SRC: variants seen among roughly 807,000 people sequenced by gnomAD.
SRC encodes proto-oncogene tyrosine-protein kinase Src.
Under a neutral mutation model 62.9 loss-of-function variants are expected in SRC, and 13 were observed. That is an observed-to-expected ratio of 0.21 (90% CI 0.13 to 0.33). SRC has a LOEUF of 0.33. SRC is among the 10% of genes least tolerant of loss of function. The probability of loss-of-function intolerance (pLI) is 1.00; values close to 1 mark genes in which losing one functional copy is unlikely to be tolerated. For synonymous variants in SRC, 302 were observed against 317.5 expected, an observed-to-expected ratio of 0.95 and a Z score of 0.52; for missense variants, 457 against 737.3, an observed-to-expected ratio of 0.62 and a Z score of 4.40.
rs761602417 is a variant in SRC at position 37,400,311 on chromosome 20, C to T, written c.1039+17C>T. The T allele has an allele frequency of 1.2e-5, 19 of 1,595,754 alleles. 1 individual carries two copies. In the African/African-American group the frequency reaches 1.3e-4, roughly 11 times the overall value. On this transcript the variant is annotated intron_variant, in intron 10 of 13. Transcript: ENST00000373578. ...TGAGCAAGGGTGAGTCCTGGGCGGC[C>T]GGGGCAGGGGGCAGGGGCACTCCGG...
intron 2 of SRC, among the ~76,000 whole-genome samples, chr20:37,368,525 T>TG (rs1568625180): frequency 8.4e-5 from 10 of 119,040 alleles, no homozygotes; most frequent in African/African-American, 4.5e-4. Context: ...TTTCTTTTTT[T>TG]TTTTTTTTTT....
At position 37,403,626 on chromosome 20, in the gene SRC, T is replaced by A. The variant is rs2070778616; in HGVS notation, c.*247T>A. 3.7e-6 allele frequency: 2 copies of A among 545,150 alleles called. No homozygotes were observed. Among genetic ancestry groups the A allele is most frequent in the East Asian group, 6.0e-5 (2 of 33,536 alleles). The allele number at this position is 545,150 out of a possible 1,614,324, so 33.8% of individuals were successfully genotyped here. ...AGCTCCCGCTGTGGCCGCACGCCTC[T>A]CCCTGCACTCCCTCCTGGAGCTCTG... On this transcript the variant is annotated 3_prime_UTR_variant, in exon 14 of 14. Transcript: ENST00000373578. The surrounding 1 kb of genome is among the most constrained non-coding windows in gnomAD (Gnocchi z 7.1).
At chr20:37,381,301 TTTC>T (rs2070363042) in intron 2 of SRC, among the ~76,000 whole-genome samples, 1 of 152,138 alleles carries the variant, frequency 6.6e-6, no homozygotes, top group Non-Finnish European at 1.5e-5. Flanking sequence ...GGTTGTGTCT[TTTC>T]TTCTTGTCCC....
intron 2 of SRC, among the ~76,000 whole-genome samples, chr20:37,378,520 A>G (rs116830838): frequency 0.022 from 3,328 of 152,136 alleles, 113 homozygotes; most frequent in African/African-American, 0.076. Context: ...ATATGCCCAG[A>G]GGAGATTCTA....
At position 37,364,415 on chromosome 20, in the gene SRC, G is replaced by A. The variant is rs377671343; in HGVS notation, c.-246-789G>A. 7.9e-5 allele frequency among the ~76,000 whole-genome samples: 12 copies of A among 152,312 alleles called. No individual in the cohort carries two copies. In the East Asian group the frequency reaches 1.7e-3, roughly 22 times the overall value. ...GCACCGTGATGGTGACGCCGTAGCT[G>A]TTGTTATCCTCTGAGGACCAACTGT... is the stretch of plus-strand genomic sequence containing the variant. On this transcript the variant is annotated intron_variant, in intron 1 of 13. Coordinates refer to ENST00000373578, the MANE Select transcript of SRC (RefSeq NM_198291.3).
chr20:37,353,504 T>A (rs1362201975), intron 1 of SRC, among the ~76,000 whole-genome samples: 1 of 152,138 alleles, frequency 6.6e-6, no homozygotes, highest in African/African-American at 2.4e-5. Context: ...CCCGGGACCC[T>A]GAAGGAGCAA....
intron 5 of SRC, chr20:37,386,614 TC>T (rs1293280094): frequency 6.1e-6 from 4 of 660,458 alleles, no homozygotes; most frequent in South Asian, 1.7e-5. Flanking sequence ...GCTTCTCCCC[TC>T]CCCCCTCCAC....
At chr20:37,350,321 A>G (rs2069783691) in intron 1 of SRC, among the ~76,000 whole-genome samples, 1 of 152,148 alleles carries the variant, frequency 6.6e-6, no homozygotes, top group African/African-American at 2.4e-5. Context: ...TAGGGACTCA[A>G]TCAGTGGAGG....
At chr20:37,379,634 G>A (rs2070331004) in intron 2 of SRC, among the ~76,000 whole-genome samples, 1 of 151,824 alleles carries the variant, frequency 6.6e-6, no homozygotes, top group Non-Finnish European at 1.5e-5. Flanking sequence ...TGAGGCAGTA[G>A]AATTGCTTGA....
chr20:37,347,125 G>A (rs1227319838), intron 1 of SRC, among the ~76,000 whole-genome samples: 4 of 152,256 alleles, frequency 2.6e-5, no homozygotes, highest in Non-Finnish European at 2.9e-5. Flanking sequence ...CAGCCCCTGC[G>A]TCCTTCAGGT....
rs200522390 is a variant in SRC at position 37,370,992 on chromosome 20, T to TC, written c.-173+5715_-173+5716insC. Among the ~76,000 whole-genome samples the TC allele has an allele frequency of 2.3e-3, 341 of 146,540 alleles. 1 individual carries two copies. Among genetic ancestry groups the TC allele is most frequent in the African/African-American group, 8.1e-3 (323 of 40,088 alleles). On this transcript the variant is annotated intron_variant, in intron 2 of 13. Coordinates refer to ENST00000373578, the MANE Select transcript of SRC (RefSeq NM_198291.3). ...TTCTTCTTCTTCTTCTTCTTCTTCT[T>TC]TTTTTTTTTTTTTGAGACGGAGTTT... is the stretch of plus-strand genomic sequence containing the variant.
At chr20:37,381,230 A>T (rs1391582450) in intron 2 of SRC, among the ~76,000 whole-genome samples, 1 of 152,038 alleles carries the variant, frequency 6.6e-6, no homozygotes, top group East Asian at 1.9e-4. Context: ...GGTCCCTGTT[A>T]TGCTTTTTCT....
At position 37,398,004 on chromosome 20, in the gene SRC, C is replaced by T. The variant is rs765650641; in HGVS notation, c.859+150C>T. On this transcript the variant is annotated intron_variant, in intron 9 of 13. Coordinates refer to ENST00000373578, the MANE Select transcript of SRC (RefSeq NM_198291.3). This position sits in a 1 kb window ranked among gnomAD's most constrained non-coding sequence, Gnocchi z 5.2. ...GGAGCTCCCCAGCGGTGGCTGGCAC[C>T]GAGTTGGGTTGTGGCCACCCAAGCA... is the stretch of plus-strand genomic sequence containing the variant. 107 of 1,086,428 alleles carry T rather than the reference C, an allele frequency of 9.8e-5. No homozygotes were observed. The highest frequency in any genetic ancestry group is 1.6e-4 in the Admixed American group (6 of 36,580). 67.3% of individuals were successfully genotyped at this position (1,086,428 alleles called of 1,614,324 possible).
chr20:37,367,002 G>T lies in SRC; in HGVS notation c.-173+1725G>T, dbSNP rs116649848. Among the ~76,000 whole-genome samples, 6 of 152,080 alleles carry T rather than the reference G, an allele frequency of 3.9e-5. No individual in the cohort carries two copies. The East Asian group carries it at 1.2e-3, about 29-fold the overall frequency. On this transcript the variant is annotated intron_variant, in intron 2 of 13. Coordinates refer to ENST00000373578, the MANE Select transcript of SRC (RefSeq NM_198291.3). ...ACATTCCCATCAGCAATGTCTGAGG[G>T]TTCCAATTTCTCCACATTCTTGCCA...
chr20:37,382,437 AGAGGGTTGAAAAGACTTTGG>A (rs1281994650), intron 2 of SRC, among the ~76,000 whole-genome samples, 162 bp from the exon 3 acceptor site: 1 of 152,134 alleles, frequency 6.6e-6, no homozygotes, highest in Non-Finnish European at 1.5e-5. Context: ...TCTTGCTTTG[AGAGGGTTGAAAAGACTTTGG>A]GAGGGTTGAA....
Position 37,403,242 on chromosome 20 carries a change from G to T in SRC, c.1474G>T (p.Glu492Ter). Residue 492 changes from glutamate (E) to a stop codon, truncating the protein, a stop_gained, in exon 14 of 14, where the codon GAG becomes TAG. Transcript: ENST00000373578. LOFTEE classifies it high-confidence loss of function. The surrounding 1 kb of genome is among the most constrained non-coding windows in gnomAD (Gnocchi z 7.1). ...GATGCCCTGCCCGCCGGAGTGTCCC[G>T]AGTCCCTGCACGACCTCATGTGCCA... ...YRMPCPPECP[E>*]SLHDLMCQCW... The T allele has an allele frequency of 6.3e-7, 1 of 1,586,286 alleles. No homozygotes were observed.
chr20:37,385,982 A>G, intron 4 of SRC, 93 bp from the exon 5 acceptor site: 1 of 989,936 alleles, frequency 1.0e-6, no homozygotes, highest in African/African-American at 1.6e-5. Context: ...CGTGTGGGAG[A>G]CAAATCCACT....
chr20:37,360,218 C>CTTTTTTTTTTTTTTTTTTTTTTT (rs61476973), intron 1 of SRC, among the ~76,000 whole-genome samples: 1 of 105,630 alleles, frequency 9.5e-6, no homozygotes, highest in Non-Finnish European at 1.8e-5. Flanking sequence ...CTCTCTCTCT[C>CTTTTTTTTTTTTTTTTTTTTTTT]TTTTTTTTTT....
chr20:37,389,133 G>A (rs1379759071), intron 5 of SRC, among the ~76,000 whole-genome samples: 1 of 152,148 alleles, frequency 6.6e-6, no homozygotes, highest in East Asian at 1.9e-4. Context: ...GGATCTTGCT[G>A]CCACATGGCC....
Sources: allele counts gnomAD v4.1 joint callset (sites outside exome capture counted in the v4.1 genomes callset), GRCh38; gene constraint gnomAD v4.1.1; non-coding constraint Gnocchi (gnomAD v3.1); transcripts MANE v1.5; gene names NCBI Gene and HGNC (gene_info 2026-07-23, HGNC 2026-07-21).